The following LEMD1 variants were observed in gnomAD, a reference collection of about 807,000 sequenced individuals.
LEMD1 encodes LEM domain-containing protein 1.
Under a neutral mutation model 17.4 loss-of-function variants are expected in LEMD1, and 18 were observed. The observed-to-expected ratio is 1.04, with a 90% CI of 0.72 to 1.54. LEMD1 has a LOEUF of 1.54. Ranked by LOEUF, LEMD1 falls within the 40% of genes most tolerant of loss-of-function variation. The pLI is 0.00. For missense variants in LEMD1, 195 were observed against 210.4 expected (o/e 0.93, Z 0.45); for synonymous variants, 88 against 77.8 (o/e 1.13, Z -0.69).
rs150722102 is a variant in LEMD1, at chr1:205,388,230, G to T, written c.271-3866C>A. 5.7e-3 allele frequency among the ~76,000 whole-genome samples: 850 copies of T among 148,066 alleles called. 6 individuals carry two copies. Among genetic ancestry groups the T allele is most frequent in the African/African-American group, 0.019 (777 of 40,056 alleles). ...TTTTTTTTTTTTGTGACAGAGTCTT[G>T]CTCTGTTGCCAGGATGGCGTGCAGT... is the stretch of plus-strand genomic sequence containing the variant. On this transcript the variant is annotated intron_variant, in intron 4 of 5. Coordinates refer to ENST00000367153, the MANE Select transcript of LEMD1 (RefSeq NM_001199050.2).
intron 4 of LEMD1, among the ~76,000 whole-genome samples, chr1:205,404,125 T>C (rs1664979400): frequency 6.6e-6 from 1 of 152,128 alleles, no homozygotes; most frequent in African/African-American, 2.4e-5. Flanking sequence ...CTTCCAGCTA[T>C]GTGGTCAATT....
At chr1:205,391,350 G>A (rs867903016) in intron 4 of LEMD1, among the ~76,000 whole-genome samples, 2 of 151,918 alleles carry the variant, frequency 1.3e-5, no homozygotes, top group Non-Finnish European at 2.9e-5. Flanking sequence ...AAGGTGGTGA[G>A]TTCCCAGGGT....
At position 205,441,906 on chromosome 1, in the gene LEMD1, C is replaced by T. The variant is rs114304335; in HGVS notation, c.-39+7962G>A. On this transcript the variant is annotated intron_variant, in intron 1 of 3. Transcript: ENST00000367154. This position sits in a 1 kb window ranked among gnomAD's most constrained non-coding sequence, Gnocchi z 4.3. ...CCGGCCCTCAGCAGGAGCCAGGGGC[C>T]GCTCTGGTATCTGTTGCAGTCTGGC... 0.014 allele frequency among the ~76,000 whole-genome samples: 2,112 copies of T among 152,304 alleles called. 49 individuals carry two copies. The highest frequency in any genetic ancestry group is 0.048 in the African/African-American group (1,989 of 41,566).
At chr1:205,432,984 C>G (rs1426070221) in intron 1 of LEMD1, among the ~76,000 whole-genome samples, 1 of 151,656 alleles carries the variant, frequency 6.6e-6, no homozygotes, top group Non-Finnish European at 1.5e-5. Context: ...GCACTCCAGC[C>G]TGGGCAACAG....
At chr1:205,406,575 G>A (rs1397814547) in intron 4 of LEMD1, among the ~76,000 whole-genome samples, 1 of 152,238 alleles carries the variant, frequency 6.6e-6, no homozygotes, top group African/African-American at 2.4e-5. Context: ...CAGTATTCGA[G>A]TGGGAGTGGC....
At chr1:205,440,550 C>G (rs184471923) in intron 1 of LEMD1, 3 of 152,282 alleles carry the variant, frequency 2.0e-5, no homozygotes, top group Non-Finnish European at 4.4e-5. Flanking sequence ...TAGCCCAAGG[C>G]GGCACATGCC....
intron 4 of LEMD1, among the ~76,000 whole-genome samples, chr1:205,398,986 G>C (rs1242753734): frequency 6.6e-6 from 1 of 152,124 alleles, no homozygotes; most frequent in Non-Finnish European, 1.5e-5. Context: ...AGGCCAAGGC[G>C]GGTGGATCAC....
chr1:205,447,850 G>GAGGAA (rs1666429944), intron 1 of LEMD1, among the ~76,000 whole-genome samples: 1 of 152,154 alleles, frequency 6.6e-6, no homozygotes, highest in South Asian at 2.1e-4. Flanking sequence ...AAAGAGCCCA[G>GAGGAA]AGGTCTCCTT....
chr1:205,419,997 G>A (rs1237996220), intron 2 of LEMD1, among the ~76,000 whole-genome samples: 1 of 152,182 alleles, frequency 6.6e-6, no homozygotes, highest in Non-Finnish European at 1.5e-5. Context: ...ATAATAAAGA[G>A]TAACTGGTTT....
At position 205,445,809 on chromosome 1, in the gene LEMD1, A is replaced by G. The variant is rs372421080; in HGVS notation, c.-39+4059T>C. Among the ~76,000 whole-genome samples, 13 of 152,352 alleles carry G rather than the reference A, an allele frequency of 8.5e-5. 1 individual carries two copies. The highest frequency in any genetic ancestry group is 3.1e-4 in the African/African-American group (13 of 41,596). The stretch of plus-strand genomic sequence containing the variant: ...GGTGGACCAGACTGTCAGCGCCAGA[A>G]TGAACCCCAAAGGTCAAACTTTAGT... On this transcript the variant is annotated intron_variant, in intron 1 of 3. Coordinates refer to the LEMD1 transcript ENST00000367154.
At chr1:205,400,848 C>A (rs1475173127) in intron 4 of LEMD1, among the ~76,000 whole-genome samples, 3 of 112,114 alleles carry the variant, frequency 2.7e-5, no homozygotes, top group African/African-American at 6.1e-5. Flanking sequence ...ATCCCTCCCC[C>A]CCCCCACCCC....
Position 205,441,710 on chromosome 1 carries a change from G to C in LEMD1, c.-39+8158C>G, listed in dbSNP as rs984832393. Among the ~76,000 whole-genome samples the C allele has an allele frequency of 5.9e-5, 9 of 152,242 alleles. No homozygotes were observed. Among genetic ancestry groups the C allele is most frequent in the African/African-American group, 1.7e-4 (7 of 41,468 alleles). On this transcript the variant is annotated intron_variant, in intron 1 of 3. Transcript: ENST00000367154. This position sits in a 1 kb window ranked among gnomAD's most constrained non-coding sequence, Gnocchi z 4.3. ...CCATGCAGAGAAGAGACAGCAAAGAGGGTTCTTTTAGCCAACAGGCTCTTT... is the reference window on the plus strand; with the variant it reads ...CCATGCAGAGAAGAGACAGCAAAGACGGTTCTTTTAGCCAACAGGCTCTTT...
At chr1:205,394,625 T>A (rs1303648829) in intron 4 of LEMD1, among the ~76,000 whole-genome samples, 1 of 152,192 alleles carries the variant, frequency 6.6e-6, no homozygotes, top group Non-Finnish European at 1.5e-5. Flanking sequence ...CCTCAGGTGA[T>A]CCACCCGCCT....
At chr1:205,398,896 T>C (rs189762841) in intron 4 of LEMD1, among the ~76,000 whole-genome samples, 53 of 152,224 alleles carry the variant, frequency 3.5e-4, no homozygotes, top group African/African-American at 1.3e-3. Flanking sequence ...TTATTGTGAC[T>C]GGGTGATTAG....
intron 1 of LEMD1, among the ~76,000 whole-genome samples, chr1:205,430,089 TGA>T (rs923101460): frequency 2.6e-5 from 4 of 152,234 alleles, no homozygotes; most frequent in African/African-American, 9.6e-5. Context: ...CCACTGCCCC[TGA>T]GAGAGCAATC....
At chr1:205,403,029 C>A (rs1464664854) in intron 4 of LEMD1, among the ~76,000 whole-genome samples, 1 of 151,832 alleles carries the variant, frequency 6.6e-6, no homozygotes, top group Non-Finnish European at 1.5e-5. Context: ...ATTGAACCAG[C>A]CTTGCAACCC....
chr1:205,436,731 C>T (rs992406207), intron 1 of LEMD1: 2 of 152,196 alleles, frequency 1.3e-5, no homozygotes, highest in African/African-American at 2.4e-5. Context: ...CTGGACATAG[C>T]AGCCACCTTC....
upstream of LEMD1, among the ~76,000 whole-genome samples, chr1:205,425,896 G>A (rs1440366911): frequency 2.0e-5 from 3 of 151,264 alleles, no homozygotes; most frequent in African/African-American, 7.3e-5. Flanking sequence ...CTTTTTATAT[G>A]GAGTAAGATG....
At chr1:205,421,298 T>C (rs1218752967) in intron 1 of LEMD1, among the ~76,000 whole-genome samples, 1 of 152,202 alleles carries the variant, frequency 6.6e-6, no homozygotes, top group Non-Finnish European at 1.5e-5. Flanking sequence ...CCCTTCTACC[T>C]ACATAACAAA....
Sources: allele counts gnomAD v4.1 joint callset (sites outside exome capture counted in the v4.1 genomes callset), GRCh38; gene constraint gnomAD v4.1.1; non-coding constraint Gnocchi (gnomAD v3.1); transcripts MANE v1.5; gene names NCBI Gene and HGNC (gene_info 2026-07-23, HGNC 2026-07-21).